PPARGC1A: variants seen among roughly 807,000 people sequenced by gnomAD.
PPARGC1A encodes PPARG coactivator 1 alpha, also known as peroxisome proliferator-activated receptor gamma coactivator 1-alpha.
In PPARGC1A, 25 loss-of-function variants were observed where a neutral mutation model predicts 88.7. That is an observed-to-expected ratio of 0.28 (90% CI 0.21 to 0.39). The LOEUF (loss-of-function observed/expected upper bound fraction) is 0.39, where lower values mean the gene tolerates loss of function less well. Ranked by LOEUF, PPARGC1A falls within the 10% of genes least tolerant of loss-of-function variation. The pLI is 1.00. For missense variants in PPARGC1A, 880 were observed against 968.7 expected (o/e 0.91, Z 1.22); for synonymous variants, 363 against 355.6 (o/e 1.02, Z -0.24).
the PPARGC1A span, among the ~76,000 whole-genome samples, chr4:24,446,406 C>G: frequency 6.6e-6 from 1 of 151,974 alleles, no homozygotes; most frequent in Non-Finnish European, 1.5e-5. Context: ...AAGTCTTTAG[C>G]CTGTTTTTTA....
chr4:24,284,278 C>T, the PPARGC1A span, among the ~76,000 whole-genome samples: 1 of 152,092 alleles, frequency 6.6e-6, no homozygotes, highest in Non-Finnish European at 1.5e-5. Context: ...CACTGCACTC[C>T]AGCCTGGGCG....
the PPARGC1A span, among the ~76,000 whole-genome samples, chr4:24,334,703 T>C: frequency 6.6e-6 from 1 of 152,130 alleles, no homozygotes; most frequent in African/African-American, 2.4e-5. Flanking sequence ...TGGAGGATGT[T>C]GGGGGGCATG....
chr4:23,915,238 A>G, the PPARGC1A span, among the ~76,000 whole-genome samples: 1 of 152,216 alleles, frequency 6.6e-6, no homozygotes, highest in African/African-American at 2.4e-5. Context: ...GGAATATCAT[A>G]TCAATAGAAA....
At chr4:23,967,417 T>C in the PPARGC1A span, among the ~76,000 whole-genome samples, 1 of 152,190 alleles carries the variant, frequency 6.6e-6, no homozygotes, top group Non-Finnish European at 1.5e-5. Flanking sequence ...CTCTGAGCAA[T>C]GGGGCCCACA....
chr4:24,291,964 G>A, the PPARGC1A span, among the ~76,000 whole-genome samples: 1 of 152,158 alleles, frequency 6.6e-6, no homozygotes, highest in Non-Finnish European at 1.5e-5. Context: ...AGAAAACAAA[G>A]GTTATCATTT....
At chr4:24,408,259 A>AG in the PPARGC1A span, among the ~76,000 whole-genome samples, 2 of 151,742 alleles carry the variant, frequency 1.3e-5, no homozygotes, top group Non-Finnish European at 2.9e-5. Flanking sequence ...TTTCAAACAA[A>AG]GAAAAAAAAA....
At position 23,889,831 on chromosome 4, in the gene PPARGC1A, C is replaced by T. The variant is rs1717551651; in HGVS notation, c.54+73G>A. 1.3e-5 allele frequency: 21 copies of T among 1,566,308 alleles called. No individual in the cohort carries two copies. In the South Asian group the frequency reaches 2.2e-4, roughly 17 times the overall value. On this transcript the variant is annotated intron_variant, in intron 1 of 12. Coordinates refer to ENST00000264867, the MANE Select transcript of PPARGC1A (RefSeq NM_013261.5). ...CTCCTCTCTTTGCCCAAGCCCATCC[C>T]CCCTTACAGGAATAATAGCATCTGA...
At chr4:24,038,017 T>C in the PPARGC1A span, among the ~76,000 whole-genome samples, 5 of 152,148 alleles carry the variant, frequency 3.3e-5, no homozygotes, top group Non-Finnish European at 7.4e-5. Context: ...AGATACCCAC[T>C]TTCTTCCAGC....
At chr4:24,080,417 C>T in the PPARGC1A span, among the ~76,000 whole-genome samples, 1 of 151,976 alleles carries the variant, frequency 6.6e-6, no homozygotes, top group South Asian at 2.1e-4. Context: ...ACTAACTCAA[C>T]TCATAATTTC....
At chr4:24,278,548 AT>A in the PPARGC1A span, among the ~76,000 whole-genome samples, 1 of 151,900 alleles carries the variant, frequency 6.6e-6, no homozygotes, top group South Asian at 2.1e-4. Context: ...CAGTGGACAA[AT>A]TTTTTTTGCA....
At chr4:24,287,843 C>T in the PPARGC1A span, among the ~76,000 whole-genome samples, 15 of 152,202 alleles carry the variant, frequency 9.9e-5, no homozygotes, top group Admixed American at 4.6e-4. Flanking sequence ...CAGAAAAAGA[C>T]GGCTCCTGAC....
intron 7 of PPARGC1A, among the ~76,000 whole-genome samples, chr4:23,823,360 C>T (rs548293894): frequency 6.6e-6 from 1 of 151,834 alleles, no homozygotes. Flanking sequence ...TCAATAGACC[C>T]CCAAATAGTA....
chr4:24,379,780 T>C, the PPARGC1A span, among the ~76,000 whole-genome samples: 1 of 135,936 alleles, frequency 7.4e-6, no homozygotes, highest in South Asian at 2.3e-4. Flanking sequence ...TTATTTAAAT[T>C]CTTTTTTTTT....
rs1726978243 is a variant in PPARGC1A at position 23,841,115 on chromosome 4, T to C, written c.235-9364A>G. Reference sequence around the variant, plus strand: ...CAGAAATTTACCCAAATCTGTTGTCTGGAAGGATACTGGGACACATCATCA... The same window carrying C: ...CAGAAATTTACCCAAATCTGTTGTCCGGAAGGATACTGGGACACATCATCA... On this transcript the variant is annotated intron_variant, in intron 2 of 12. Coordinates refer to ENST00000264867, the MANE Select transcript of PPARGC1A (RefSeq NM_013261.5). 2.6e-5 allele frequency among the ~76,000 whole-genome samples: 4 copies of C among 152,154 alleles called. No homozygotes were observed. In the South Asian group the frequency reaches 8.3e-4, roughly 31 times the overall value.
the PPARGC1A span, among the ~76,000 whole-genome samples, chr4:24,226,363 G>T: frequency 1.3e-5 from 2 of 152,124 alleles, no homozygotes; most frequent in South Asian, 2.1e-4. Context: ...TTGTTTTCAG[G>T]TCCTTCTTCT....
At chr4:24,200,887 C>G in the PPARGC1A span, among the ~76,000 whole-genome samples, 2 of 152,120 alleles carry the variant, frequency 1.3e-5, no homozygotes, top group Non-Finnish European at 2.9e-5. Flanking sequence ...TGAAGTGACT[C>G]TGTTTTCTAT....
the PPARGC1A span, among the ~76,000 whole-genome samples, chr4:24,186,572 T>C: frequency 3.9e-5 from 6 of 152,118 alleles, no homozygotes; most frequent in African/African-American, 1.4e-4. Flanking sequence ...TGAATGCCAG[T>C]AAAGGACTTA....
the PPARGC1A span, among the ~76,000 whole-genome samples, chr4:24,406,017 AG>A: frequency 6.6e-6 from 1 of 151,866 alleles, no homozygotes; most frequent in East Asian, 1.9e-4. Context: ...ACAGAATCTA[AG>A]GTTCGATTCC....
chr4:24,232,120 T>G, the PPARGC1A span, among the ~76,000 whole-genome samples: 1 of 151,978 alleles, frequency 6.6e-6, no homozygotes, highest in Non-Finnish European at 1.5e-5. Flanking sequence ...ACCAGGCAGT[T>G]CGGCATGTGA....
Sources: gnomAD v4.1 joint callset for allele counts (sites outside exome capture counted in the v4.1 genomes callset) on GRCh38, gnomAD v4.1.1 for gene constraint, MANE v1.5 for transcripts, NCBI Gene and HGNC (gene_info 2026-07-23, HGNC 2026-07-21) for gene names.